The following DLL1 variants were observed in gnomAD, a reference collection of about 807,000 sequenced individuals.
DLL1 encodes delta like canonical Notch ligand 1.
Under a neutral mutation model 75.1 loss-of-function variants are expected in DLL1, and 9 were observed. The observed-to-expected ratio is 0.12, with a 90% CI of 0.07 to 0.21. The LOEUF is 0.21. DLL1 is among the 10% of genes least tolerant of loss of function. The pLI is 1.00. For missense variants in DLL1, 837 were observed against 1,007.6 expected (o/e 0.83, Z 2.29); for synonymous variants, 477 against 418.3 (o/e 1.14, Z -1.71).
chr6:170,288,987 G>GA (rs1783772871), intron 2 of DLL1, among the ~76,000 whole-genome samples, 198 bp from the exon 3 acceptor site: 1 of 152,182 alleles, frequency 6.6e-6, no homozygotes, highest in African/African-American at 2.4e-5. Flanking sequence ...ACTTTTTAAA[G>GA]AGTGGTTTCC....
chr6:170,283,805 T>C lies in DLL1; in HGVS notation c.1474A>G (p.Asn492Asp). Residue 492 changes from asparagine to aspartate, a missense_variant, in exon 9 of 11, where the codon AAT (asparagine) becomes GAT (aspartate). Transcript: ENST00000366756. Reference protein sequence around the residue: ...VSRCEHAPCHNGATCHERGHR... With the variant: ...VSRCEHAPCHDGATCHERGHR... ...CCCCTCTCGTGGCAGGTGGCCCCAT[T>C]GTGGCAGGGTGCGTGCTCGCACCTG... 2 of 1,590,096 alleles carry C rather than the reference T, an allele frequency of 1.3e-6. No homozygotes were observed. The highest frequency in any genetic ancestry group is 1.7e-6 in the Non-Finnish European group (2 of 1,171,704).
chr6:170,290,745 C>T lies in DLL1; in HGVS notation c.-606G>A, dbSNP rs1783844271. 9.1e-6 allele frequency: 4 copies of T among 438,902 alleles called. No individual in the cohort carries two copies. The highest frequency in any genetic ancestry group is 4.2e-5 in the Admixed American group (1 of 23,708). The allele number at this position is 438,902 out of a possible 1,614,324, so 27.2% of individuals were successfully genotyped here. On this transcript the variant is annotated 5_prime_UTR_variant, in exon 1 of 11. Transcript: ENST00000366756. This position sits in a 1 kb window ranked among gnomAD's most constrained non-coding sequence, Gnocchi z 4.7. ...GTCGTTCCGGGAGCACTCCGGGCTC[C>T]GATCTCCGGTGTCACAGCAAAGATC...
Position 170,283,589 on chromosome 6 carries a change from C to T in DLL1, c.1690G>A (p.Ala564Thr), listed in dbSNP as rs776641473. Residue 564 changes from alanine (A) to threonine (T), a missense_variant, in exon 9 of 11, where the codon GCT (alanine) becomes ACT (threonine). Physicochemically the swap from Ala to Thr is moderately conservative, Grantham distance 58. Around this residue, in one of 2 missense-constraint regions of DLL1, gnomAD observed 533 missense variants for 545.7 expected, o/e 0.98. Coordinates refer to ENST00000366756, the MANE Select transcript of DLL1 (RefSeq NM_005618.4). ...CTCAGCCGGACGCAGACCACCACAG[C>T]GGCACAGCCCAGCAGCAGCATGAGG... ...LVLMLLLGCA[A>T]VVVCVRLRLQ... 3.7e-5 allele frequency: 59 copies of T among 1,612,536 alleles called. No individual in the cohort carries two copies. Among genetic ancestry groups the T allele is most frequent in the Non-Finnish European group, 4.7e-5 (55 of 1,179,848 alleles).
At chr6:170,284,781 G>A (rs760430225) in intron 8 of DLL1, 138 bp downstream of exon 8, 32 of 909,720 alleles carry the variant, frequency 3.5e-5, no homozygotes, top group Non-Finnish European at 5.4e-5. Flanking sequence ...CAAAGATAGA[G>A]TTTCCATCGA....
intron 3 of DLL1, 103 bp from the exon 4 acceptor site, chr6:170,288,599 C>T (rs1783761126): frequency 2.5e-6 from 4 of 1,610,946 alleles, no homozygotes; most frequent in Non-Finnish European, 3.4e-6. Flanking sequence ...GAGGCCCAAG[C>T]TGCTCCACCC....
Position 170,290,830 on chromosome 6 carries a change from G to A in DLL1, c.-691C>T. On this transcript the variant is annotated 5_prime_UTR_variant, in exon 1 of 11. Transcript: ENST00000366756. This position sits in a 1 kb window ranked among gnomAD's most constrained non-coding sequence, Gnocchi z 4.7. ...AGTACACACGCGCAGGACCGGAGGG[G>A]CCGGGCCGTGGGAGGAGGCTCTGCG... 1.6e-6 allele frequency: 1 copy of A among 625,180 alleles called. No individual in the cohort carries two copies. Among genetic ancestry groups the A allele is most frequent in the Non-Finnish European group, 2.9e-6 (1 of 349,356 alleles). 38.7% of individuals were successfully genotyped at this position (625,180 alleles called of 1,614,324 possible).
Position 170,289,794 on chromosome 6 carries a change from C to T in DLL1, c.69G>A (p.Gly23=), listed in dbSNP as rs1783808085. 1.3e-6 allele frequency: 2 copies of T among 1,557,372 alleles called. No homozygotes were observed. The highest frequency in any genetic ancestry group is 1.4e-5 in the African/African-American group (1 of 73,646). The part of the protein sequence containing the change: ...SALLCQVWSS[G]VFELKLQEFV... The stretch of plus-strand genomic sequence containing the variant: ...ACTCCTGCAGCTTCAGTTCGAACAC[C>T]CCAGAGCTCCAGACCTGCACGGGGG... The change falls in exon 2 of 11, where the codon GGG becomes GGA. Residue 23 remains glycine, a synonymous_variant. Coordinates refer to ENST00000366756, the MANE Select transcript of DLL1 (RefSeq NM_005618.4).
chr6:170,286,396 A>C, intron 4 of DLL1, 98 bp from the exon 5 acceptor site: 1 of 1,424,292 alleles, frequency 7.0e-7, no homozygotes, highest in Non-Finnish European at 9.9e-7. Context: ...GGCTTCAGTC[A>C]GCAAATCCCA....
Position 170,283,120 on chromosome 6 carries a change from G to C in DLL1, c.2049-15C>G, listed in dbSNP as rs1562494084. ...ATGCTTCTCCACTAAAAGGAAAATA[G>C]AGAAAATCCACAATGAATGCATGAG... On this transcript the variant is annotated splice_polypyrimidine_tract_variant and intron_variant, in intron 9 of 10. Transcript: ENST00000366756. 6.2e-7 allele frequency: 1 copy of C among 1,614,070 alleles called. No homozygotes were observed. The highest frequency in any genetic ancestry group is 8.5e-7 in the Non-Finnish European group (1 of 1,179,948).
At position 170,283,349 on chromosome 6, in the gene DLL1, C is replaced by T. The variant is rs187849210; in HGVS notation, c.1930G>A (p.Val644Met). ...GTGTCGTCACCCTTGAGGTCCTGCACGAGGTTATAGTCCACCGCTGGGTAG... is the reference window on the plus strand; with the variant it reads ...GTGTCGTCACCCTTGAGGTCCTGCATGAGGTTATAGTCCACCGCTGGGTAG... ...ARYPAVDYNL[V>M]QDLKGDDTAV... The change falls in exon 9 of 11, where the codon GTG becomes ATG. Residue 644 changes from valine (V) to methionine (M), a missense_variant. By Grantham distance (21) the Val-to-Met change is conservative. Transcript: ENST00000366756. 41 of 1,612,740 alleles carry T rather than the reference C, an allele frequency of 2.5e-5. No individual in the cohort carries two copies. The East Asian group carries it at 6.0e-4, about 24-fold the overall frequency.
Position 170,286,232 on chromosome 6 carries a change from A to C in DLL1, c.731+6T>G. ...CAAAACAAAACACCACCTTGTGCAG[A>C]CTTACTTGCATTCCCCTGGTTTGTC... On this transcript the variant is annotated splice_donor_region_variant and intron_variant, in intron 5 of 10. Coordinates refer to ENST00000366756, the MANE Select transcript of DLL1 (RefSeq NM_005618.4). 1 of 1,614,226 alleles carries C rather than the reference A, an allele frequency of 6.2e-7. No individual in the cohort carries two copies. The highest frequency in any genetic ancestry group is 8.5e-7 in the Non-Finnish European group (1 of 1,180,042).
At chr6:170,286,848 A>C (rs950998402) in intron 4 of DLL1, among the ~76,000 whole-genome samples, 6 of 151,994 alleles carry the variant, frequency 3.9e-5, no homozygotes, top group African/African-American at 1.5e-4. Flanking sequence ...CCTTCCGCCA[A>C]TGGGAGCCGG....
rs1373099403 is a variant in DLL1, at chr6:170,290,364, G to A, written c.-225C>T. 2.3e-6 allele frequency: 1 copy of A among 440,884 alleles called. No individual in the cohort carries two copies. Among genetic ancestry groups the A allele is most frequent in the Non-Finnish European group, 3.9e-6 (1 of 256,422 alleles). 27.3% of individuals were successfully genotyped at this position (440,884 alleles called of 1,614,324 possible). On this transcript the variant is annotated 5_prime_UTR_variant, in exon 1 of 11. Coordinates refer to ENST00000366756, the MANE Select transcript of DLL1 (RefSeq NM_005618.4). This position sits in a 1 kb window ranked among gnomAD's most constrained non-coding sequence, Gnocchi z 4.7. ...CCTGCGAGGTCCCGCGGCAGCCCCA[G>A]GGATGCCCGAGGAAAGGCAGCTCTC...
chr6:170,286,125 A>G (rs924066708), intron 5 of DLL1, 113 bp downstream of exon 5: 132 of 1,325,858 alleles, frequency 1.0e-4, no homozygotes, highest in Non-Finnish European at 1.2e-4. Context: ...TGTTCAATCA[A>G]TCTTACTGGA....
Position 170,282,394 on chromosome 6 carries a change from C to G in DLL1, c.*480G>C, listed in dbSNP as rs765127079. 5 of 174,806 alleles carry G rather than the reference C, an allele frequency of 2.9e-5. No homozygotes were observed. Among genetic ancestry groups the G allele is most frequent in the Admixed American group, 5.5e-5 (1 of 18,162 alleles). The allele number at this position is 174,806 out of a possible 1,614,324, so 10.8% of individuals were successfully genotyped here. The stretch of plus-strand genomic sequence containing the variant: ...CAAAATTTAAATTATAAAAAACGAA[C>G]ATCACAAAATACTCAAGCTTTACAG... On this transcript the variant is annotated 3_prime_UTR_variant, in exon 11 of 11. Transcript: ENST00000366756.
chr6:170,284,285 A>G (rs930288197), intron 8 of DLL1, among the ~76,000 whole-genome samples: 1 of 152,202 alleles, frequency 6.6e-6, no homozygotes, highest in South Asian at 2.1e-4. Context: ...TGGTGGCTGC[A>G]TTAGTCGCCA....
chr6:170,283,063 T>C lies in DLL1; in HGVS notation c.2091A>G (p.Ser697=), dbSNP rs557616143. The C allele has an allele frequency of 1.2e-6, 2 of 1,614,116 alleles. No homozygotes were observed. Among genetic ancestry groups the C allele is most frequent in the Admixed American group, 1.7e-5 (1 of 60,034 alleles). ...ACTGGTACTTGGTGTCTTTTGAAGT[T>C]GAACAGCCCGAGTCCGGCCTTTTTC... ...SERKRPDSGC[S]TSKDTKYQSV... The change falls in exon 10 of 11, where the codon TCA becomes TCG. Residue 697 remains serine, a synonymous_variant. Transcript: ENST00000366756.
In DLL1 at chr6:170,285,554, G is replaced by T. The variant is rs368582152; in HGVS notation, c.862+15C>A. The stretch of plus-strand genomic sequence containing the variant: ...CTCTGGAGGGAGCAGGCTGCCTCAG[G>T]GAGAGAAGGCTTACCCTGGTTGCAG... On this transcript the variant is annotated intron_variant, in intron 6 of 10. Coordinates refer to ENST00000366756, the MANE Select transcript of DLL1 (RefSeq NM_005618.4). The T allele has an allele frequency of 6.2e-7, 1 of 1,614,148 alleles. No homozygotes were observed. Among genetic ancestry groups the T allele is most frequent in the African/African-American group, 1.3e-5 (1 of 75,058 alleles).
Position 170,285,354 on chromosome 6 carries a change from C to T in DLL1, c.932G>A (p.Ser311Asn). The T allele has an allele frequency of 1.2e-6, 2 of 1,614,222 alleles. No homozygotes were observed. Among genetic ancestry groups the T allele is most frequent in the Non-Finnish European group, 1.7e-6 (2 of 1,180,038 alleles). ...GATCTNTGQG[S>N]YTCSCRPGYT... is the part of the protein sequence containing the mutation. ...CCCAGGCCGGCAAGAGCAAGTGTAG[C>T]TCCCCTGGCCCGTGTTGGTGCAGGT... The change falls in exon 7 of 11, where the codon AGC (serine) becomes AAC (asparagine). Residue 311 changes from serine to asparagine, a missense_variant. Physicochemically the swap from Ser to Asn is conservative, Grantham distance 46. This residue lies in a region of DLL1 where 304 missense variants were observed against 461.9 expected (regional missense o/e 0.66). Coordinates refer to ENST00000366756, the MANE Select transcript of DLL1 (RefSeq NM_005618.4).
Sources: allele counts gnomAD v4.1 joint callset (sites outside exome capture counted in the v4.1 genomes callset), GRCh38; gene constraint gnomAD v4.1.1; regional missense constraint gnomAD v4.1.1; non-coding constraint Gnocchi (gnomAD v3.1); transcripts MANE v1.5; gene names NCBI Gene and HGNC (gene_info 2026-07-23, HGNC 2026-07-21).